The following MPDZ variants were observed in gnomAD, a reference collection of about 807,000 sequenced individuals.
MPDZ encodes the protein multiple PDZ domain crumbs cell polarity complex component.
In MPDZ, 234 loss-of-function variants were observed where a neutral mutation model predicts 239.1. That is an observed-to-expected ratio of 0.98 (90% confidence interval 0.88 to 1.09). The LOEUF is 1.09. Among genes scored for constraint, MPDZ ranks in the 50% least tolerant of loss-of-function variants. MPDZ has a pLI of 0.00. For missense variants in MPDZ, 3,175 were observed against 2,510.0 expected (o/e 1.26, Z -5.66); for synonymous variants, 1,048 against 881.3 (o/e 1.19, Z -3.35).
chr9:13,171,434 T>C (rs1474362927), intron 21 of MPDZ, among the ~76,000 whole-genome samples: 1 of 152,154 alleles, frequency 6.6e-6, no homozygotes, highest in Non-Finnish European at 1.5e-5. Context: ...GTTCTGACTC[T>C]ACCCCTTTAA....
rs149117101 is a variant in MPDZ at position 13,122,821 on chromosome 9, C to A, written c.4953+332G>T. Reference sequence around the variant, plus strand: ...CATGAGCCACTGCACCTGGCTCAAACTCCTCTTAAAATGGGTTTAACCCAA... The same window carrying A: ...CATGAGCCACTGCACCTGGCTCAAAATCCTCTTAAAATGGGTTTAACCCAA... On this transcript the variant is annotated intron_variant, in intron 36 of 46. Coordinates refer to ENST00000319217, the MANE Select transcript of MPDZ (RefSeq NM_001378778.1). Among the ~76,000 whole-genome samples, 48 of 152,170 alleles carry A rather than the reference C, an allele frequency of 3.2e-4. 2 individuals carry two copies. The East Asian group carries it at 8.3e-3, about 26-fold the overall frequency.
intron 18 of MPDZ, 133 bp from the exon 19 acceptor site, chr9:13,183,718 C>A: frequency 1.2e-6 from 1 of 809,934 alleles, no homozygotes; most frequent in South Asian, 1.7e-5. Flanking sequence ...CCCTCTTAAC[C>A]CTCATCAGAC....
chr9:13,152,762 A>C (rs1489363887), intron 24 of MPDZ, among the ~76,000 whole-genome samples: 1 of 152,046 alleles, frequency 6.6e-6, no homozygotes, highest in Non-Finnish European at 1.5e-5. Flanking sequence ...GGTGCTTGCT[A>C]ATTCCTCTGT....
chr9:13,265,287 C>T (rs1166936482), intron 1 of MPDZ, among the ~76,000 whole-genome samples: 2 of 152,130 alleles, frequency 1.3e-5, no homozygotes, highest in Admixed American at 6.6e-5. Flanking sequence ...CTGGGCAGGT[C>T]GACCGTGCAT....
chr9:13,193,094 T>C (rs562675001), intron 14 of MPDZ, 73 bp downstream of exon 14: 21 of 1,301,224 alleles, frequency 1.6e-5, no homozygotes, highest in Middle Eastern at 4.9e-4. Context: ...GAGAATTTAT[T>C]CACCACATTA....
chr9:13,274,344 T>C (rs1294170189), intron 1 of MPDZ, among the ~76,000 whole-genome samples: 1 of 152,012 alleles, frequency 6.6e-6, no homozygotes, highest in African/African-American at 2.4e-5. Flanking sequence ...CATGCACTTA[T>C]TTATAGCACC....
intron 31 of MPDZ, chr9:13,135,595 G>T (rs1176281134): frequency 2.6e-5 from 4 of 152,114 alleles, no homozygotes; most frequent in African/African-American, 9.7e-5. Flanking sequence ...GCTGGCACAT[G>T]TTGGCCTATC....
Position 13,133,902 on chromosome 9 carries a change from T to C in MPDZ, c.4386A>G (p.Thr1462=), listed in dbSNP as rs758190118. 5 of 1,532,392 alleles carry C rather than the reference T, an allele frequency of 3.3e-6. No individual in the cohort carries two copies. The highest frequency in any genetic ancestry group is 4.7e-5 in the East Asian group (2 of 42,248). The allele number at this position is 1,532,392 out of a possible 1,614,324, so 94.9% of individuals were successfully genotyped here. Reference sequence around the variant, plus strand: ...CATCAGAAGTAGTAACAGTTGGCTCTGTCTGACAGAGGGAAAGAAATGACA... The same window carrying C: ...CATCAGAAGTAGTAACAGTTGGCTCCGTCTGACAGAGGGAAAGAAATGACA... ...SNSENLQNKE[T]EPTVTTSDAA... Residue 1462 remains threonine, a splice_region_variant and synonymous_variant, in exon 32 of 47, where the codon ACA becomes ACG. Coordinates refer to ENST00000319217, the MANE Select transcript of MPDZ (RefSeq NM_001378778.1).
intron 26 of MPDZ, among the ~76,000 whole-genome samples, chr9:13,143,839 T>G (rs1167272426): frequency 6.6e-6 from 1 of 152,130 alleles, no homozygotes; most frequent in Non-Finnish European, 1.5e-5. Context: ...CTCAATGTCT[T>G]CGGTATTACT....
At chr9:13,152,845 G>A (rs759658904) in intron 24 of MPDZ, among the ~76,000 whole-genome samples, 4 of 152,024 alleles carry the variant, frequency 2.6e-5, no homozygotes, top group African/African-American at 7.2e-5. Flanking sequence ...AGCTGTAAGC[G>A]CTATGAGTAT....
chr9:13,136,328 T>A (rs1946767917), intron 30 of MPDZ, 146 bp from the exon 31 acceptor site: 8 of 311,548 alleles, frequency 2.6e-5, no homozygotes, highest in East Asian at 5.9e-5. Flanking sequence ...ACGTTTTCTT[T>A]TTTTTTTTTT....
At chr9:13,279,338 G>C (rs906271171) in intron 1 of MPDZ, 62 bp downstream of exon 1, 3 of 137,036 alleles carry the variant, frequency 2.2e-5, no homozygotes, top group African/African-American at 7.8e-5. Context: ...TTCCCCGCCG[G>C]CGCGCGCGCA....
intron 39 of MPDZ, among the ~76,000 whole-genome samples, chr9:13,117,772 T>A (rs1229048826): frequency 6.6e-6 from 1 of 151,348 alleles, no homozygotes; most frequent in Non-Finnish European, 1.5e-5. Context: ...AAAACAAAAA[T>A]AAGCAGCCCC....
intron 3 of MPDZ, among the ~76,000 whole-genome samples, chr9:13,235,332 T>G (rs1449456987): frequency 6.6e-6 from 1 of 152,166 alleles, no homozygotes; most frequent in Admixed American, 6.5e-5. Flanking sequence ...TATTTTCAAA[T>G]AGAACAAGCA....
chr9:13,208,222 C>T (rs1460658811), intron 10 of MPDZ, among the ~76,000 whole-genome samples: 1 of 152,126 alleles, frequency 6.6e-6, no homozygotes, highest in Non-Finnish European at 1.5e-5. Flanking sequence ...GGCAGAAGGA[C>T]TGCTTGAGCC....
Position 13,110,646 on chromosome 9 carries a change from A to G in MPDZ, c.5819T>C (p.Ile1940Thr), listed in dbSNP as rs545160337. The change falls in exon 44 of 47, where the codon ATT becomes ACT. Residue 1940 changes from isoleucine to threonine, a missense_variant. Physicochemically the swap from Ile to Thr is moderately conservative, Grantham distance 89 (BLOSUM62 -1). Coordinates refer to ENST00000319217, the MANE Select transcript of MPDZ (RefSeq NM_001378778.1). The stretch of plus-strand genomic sequence containing the variant: ...GGATAAAAATCTTACCTGCATTTCA[A>G]TGGAGCCAGATGCATTTTTCAGTAG... ...VNLLKNASGS[I>T]EMQVVAGGDV... The G allele has an allele frequency of 3.5e-5, 57 of 1,613,246 alleles. No homozygotes were observed. In the East Asian group the frequency reaches 9.6e-4, roughly 27 times the overall value.
At chr9:13,251,519 C>T (rs193277185) in intron 1 of MPDZ, among the ~76,000 whole-genome samples, 6 of 152,280 alleles carry the variant, frequency 3.9e-5, no homozygotes, top group African/African-American at 9.6e-5. Flanking sequence ...TCACAGAAAA[C>T]CCTGAATCAT....
At chr9:13,200,988 T>C (rs574619753) in intron 12 of MPDZ, among the ~76,000 whole-genome samples, 18 of 152,178 alleles carry the variant, frequency 1.2e-4, no homozygotes, top group African/African-American at 3.9e-4. Flanking sequence ...GGACAATCTG[T>C]CTACTGCTGA....
intron 3 of MPDZ, among the ~76,000 whole-genome samples, chr9:13,231,103 T>C (rs539097228): frequency 6.6e-6 from 1 of 152,008 alleles, no homozygotes; most frequent in Non-Finnish European, 1.5e-5. Flanking sequence ...GTAATAAAAC[T>C]GATAAACCTC....
Sources: allele counts gnomAD v4.1 joint callset (sites outside exome capture counted in the v4.1 genomes callset), GRCh38; gene constraint gnomAD v4.1.1; transcripts MANE v1.5; gene names NCBI Gene and HGNC (gene_info 2026-07-23, HGNC 2026-07-21).